Variants in ADGRL3 observed in about 807,000 individuals in gnomAD.
ADGRL3 encodes the protein calcium-independent alpha-latrotoxin receptor 3.
ADGRL3 carries 62 observed loss-of-function variants against 153.5 expected under a neutral mutation model. The observed-to-expected ratio is 0.40, with a 90% CI of 0.33 to 0.50. ADGRL3 has a LOEUF of 0.50. Ranked by LOEUF, ADGRL3 falls within the 20% of genes least tolerant of loss-of-function variation. The probability of loss-of-function intolerance (pLI) is 0.47; values close to 1 mark genes in which losing one functional copy is unlikely to be tolerated. For missense variants in ADGRL3, 1,641 were observed against 1,859.4 expected, an observed-to-expected ratio of 0.88 and a Z score of 2.16; for synonymous variants, 710 against 672.5, an observed-to-expected ratio of 1.06 and a Z score of -0.86.
chr4:61,408,580 T>C (rs2097035548), intron 2 of ADGRL3, among the ~76,000 whole-genome samples: 1 of 152,094 alleles, frequency 6.6e-6, no homozygotes, highest in Admixed American at 6.6e-5. Context: ...GTAGCCTGGT[T>C]TTCTGTCTTA....
Position 61,711,483 on chromosome 4 carries a change from TATATATATACAC to T in ADGRL3, c.584-19137_584-19126del, listed in dbSNP as rs956651788. On this transcript the variant is annotated intron_variant, in intron 6 of 26. Transcript: ENST00000683033. ...TTATATATATATATATATATATATA[TATATATATACAC>T]ACACACACACACACACACAATAGCA... is the stretch of plus-strand genomic sequence containing the variant. 1.9e-5 allele frequency among the ~76,000 whole-genome samples: 2 copies of T among 104,330 alleles called. 1 individual carries two copies. Among genetic ancestry groups the T allele is most frequent in the African/African-American group, 7.0e-5 (2 of 28,376 alleles). 68.4% of individuals were successfully genotyped at this position (104,330 alleles called of 152,430 possible).
chr4:61,741,970 C>T (rs1176285029), intron 8 of ADGRL3, among the ~76,000 whole-genome samples: 1 of 152,206 alleles, frequency 6.6e-6, no homozygotes, highest in Non-Finnish European at 1.5e-5. Context: ...ATAAGCTTCC[C>T]ACTCACACCA....
intron 4 of ADGRL3, among the ~76,000 whole-genome samples, chr4:61,545,608 A>C (rs2098709792): frequency 6.6e-6 from 1 of 152,004 alleles, no homozygotes; most frequent in Admixed American, 6.6e-5. Context: ...CCGCCTGCCG[A>C]GTTCAAGTGA....
intron 8 of ADGRL3, among the ~76,000 whole-genome samples, chr4:61,757,496 T>C (rs1479184498): frequency 3.9e-5 from 6 of 152,210 alleles, no homozygotes; most frequent in Non-Finnish European, 7.3e-5. Flanking sequence ...ATTGCATCTA[T>C]TTTATTCGTC....
intron 21 of ADGRL3, among the ~76,000 whole-genome samples, chr4:62,007,327 G>T (rs1581851275): frequency 8.0e-6 from 1 of 125,658 alleles, no homozygotes; most frequent in Non-Finnish European, 1.6e-5. Flanking sequence ...CTCAACATTT[G>T]CAGAGCTCAG....
chr4:61,325,779 A>C (rs533694187), intron 1 of ADGRL3, among the ~76,000 whole-genome samples: 1 of 152,332 alleles, frequency 6.6e-6, no homozygotes, highest in Non-Finnish European at 1.5e-5. Context: ...TAATAAAGTA[A>C]TCAAATTATT....
intron 1 of ADGRL3, among the ~76,000 whole-genome samples, chr4:61,307,914 T>C (rs1347040660): frequency 6.6e-6 from 1 of 152,166 alleles, no homozygotes; most frequent in East Asian, 1.9e-4. Context: ...ATTAAGATCA[T>C]GTTGTCATTT....
rs369200617 is a variant in ADGRL3, at chr4:61,400,285, C to CAT, written c.-174+17097_-174+17098insTA. ...GTGGATTTGAGGAATTAAAATGTCA[C>CAT]AGTTTCATTTATTACTTTACTATAT... On this transcript the variant is annotated intron_variant, in intron 2 of 26. Coordinates refer to ENST00000683033, the MANE Select transcript of ADGRL3 (RefSeq NM_001387552.1). Among the ~76,000 whole-genome samples the CAT allele has an allele frequency of 1.8e-3, 273 of 151,898 alleles. 2 individuals carry two copies. The highest frequency in any genetic ancestry group is 6.4e-3 in the African/African-American group (264 of 41,506).
intron 19 of ADGRL3, among the ~76,000 whole-genome samples, chr4:61,984,477 G>A (rs2099078847): frequency 6.6e-6 from 1 of 152,070 alleles, no homozygotes; most frequent in Non-Finnish European, 1.5e-5. Context: ...CTGAGGCAGG[G>A]GAATCGCCTG....
intron 5 of ADGRL3, among the ~76,000 whole-genome samples, chr4:61,646,218 C>A (rs1048462656): frequency 6.6e-6 from 1 of 152,180 alleles, no homozygotes; most frequent in African/African-American, 2.4e-5. Flanking sequence ...AACTTCTTTG[C>A]CTTTGGTTTG....
chr4:61,214,986 A>G (rs1741957251), intron 1 of ADGRL3, among the ~76,000 whole-genome samples: 1 of 152,120 alleles, frequency 6.6e-6, no homozygotes, highest in South Asian at 2.1e-4. Flanking sequence ...AATGTCCAGT[A>G]GTCAGGTAAA....
At chr4:61,810,418 A>C (rs1372248318) in intron 8 of ADGRL3, among the ~76,000 whole-genome samples, 1 of 152,162 alleles carries the variant, frequency 6.6e-6, no homozygotes, top group Non-Finnish European at 1.5e-5. Flanking sequence ...AATATAAGCT[A>C]TCAAATGTCT....
chr4:61,742,971 G>A (rs1479520153), intron 8 of ADGRL3, among the ~76,000 whole-genome samples: 1 of 151,170 alleles, frequency 6.6e-6, no homozygotes, highest in East Asian at 2.0e-4. Flanking sequence ...TATATAAAAT[G>A]CCTTGTGACT....
At chr4:62,060,010 G>T (rs2151848359) in intron 25 of ADGRL3, among the ~76,000 whole-genome samples, 1 of 152,088 alleles carries the variant, frequency 6.6e-6, no homozygotes, top group African/African-American at 2.4e-5. Context: ...AGTTTCATTA[G>T]AATTCCAATA....
chr4:61,709,208 T>A (rs2095915087), intron 6 of ADGRL3, among the ~76,000 whole-genome samples: 1 of 152,234 alleles, frequency 6.6e-6, no homozygotes, highest in African/African-American at 2.4e-5. Flanking sequence ...CCACGTTGTA[T>A]CAGCTTCTTA....
At chr4:61,289,761 C>T (rs903773725) in intron 1 of ADGRL3, among the ~76,000 whole-genome samples, 14 of 151,918 alleles carry the variant, frequency 9.2e-5, no homozygotes, top group Non-Finnish European at 1.3e-4. Context: ...GGGATTCTGG[C>T]GTAATATAAG....
In ADGRL3 at chr4:61,934,830, C is replaced by T. The variant is rs2098831606; in HGVS notation, c.2113-10C>T. 6 of 1,610,824 alleles carry T rather than the reference C, an allele frequency of 3.7e-6. No homozygotes were observed. The highest frequency in any genetic ancestry group is 4.5e-5 in the East Asian group (2 of 44,836). On this transcript the variant is annotated splice_polypyrimidine_tract_variant and intron_variant, in intron 13 of 26. Coordinates refer to ENST00000683033, the MANE Select transcript of ADGRL3 (RefSeq NM_001387552.1). ...TAGAGACCTCTGTCATTCTTTTCAT[C>T]CTCTTGTAGGCAATGGTCGAGACAG...
intron 1 of ADGRL3, among the ~76,000 whole-genome samples, chr4:61,276,168 A>C (rs1233971311): frequency 1.3e-5 from 2 of 152,074 alleles, no homozygotes; most frequent in Non-Finnish European, 2.9e-5. Flanking sequence ...GGGAGAAAGG[A>C]ATATATTATA....
At chr4:61,641,106 T>A (rs1249298763) in intron 5 of ADGRL3, among the ~76,000 whole-genome samples, 3 of 152,098 alleles carry the variant, frequency 2.0e-5, no homozygotes, top group Non-Finnish European at 2.9e-5. Flanking sequence ...CAAATAAAGT[T>A]CCTGCTAACC....
Sources: allele counts gnomAD v4.1 joint callset (sites outside exome capture counted in the v4.1 genomes callset), GRCh38; gene constraint gnomAD v4.1.1; transcripts MANE v1.5; gene names NCBI Gene and HGNC (gene_info 2026-07-23, HGNC 2026-07-21).